Variants in MMP26 observed in about 807,000 individuals in gnomAD.
MMP26 encodes the protein matrix metallopeptidase 26.
Under a neutral mutation model 31.0 loss-of-function variants are expected in MMP26, and 33 were observed. That is an observed-to-expected ratio of 1.06 (90% CI 0.81 to 1.42). The LOEUF (loss-of-function observed/expected upper bound fraction) is 1.42. Among genes scored for constraint, MMP26 ranks in the 40% most tolerant of loss-of-function variants. The probability of loss-of-function intolerance (pLI) is 0.00; values close to 1 mark genes in which losing one functional copy is unlikely to be tolerated. For synonymous variants in MMP26, 122 were observed against 114.9 expected (o/e 1.06, Z -0.40); for missense variants, 347 against 316.1 (o/e 1.10, Z -0.74).
chr11:4,804,336 G>A (rs61744541), intron 2 of MMP26: 36,737 of 1,614,092 alleles, frequency 0.023, 497 homozygotes, highest in Non-Finnish European at 0.027. Context: ...CAAGCAGGAT[G>A]AAGGACACAG....
chr11:4,861,874 A>T (rs553285027), intron 2 of MMP26, among the ~76,000 whole-genome samples: 1 of 152,116 alleles, frequency 6.6e-6, no homozygotes, highest in African/African-American at 2.4e-5. Context: ...AGGGTTCCCA[A>T]TGTACTTAGA....
intron 2 of MMP26, among the ~76,000 whole-genome samples, chr11:4,807,739 C>T (rs950974060): frequency 2.0e-5 from 3 of 152,068 alleles, no homozygotes; most frequent in Non-Finnish European, 2.9e-5. Flanking sequence ...GCACATTGTG[C>T]ACTTGTACCC....
At chr11:4,734,743 T>C (rs1848214440) in intron 1 of MMP26, among the ~76,000 whole-genome samples, 1 of 76,258 alleles carries the variant, frequency 1.3e-5, no homozygotes, top group South Asian at 3.5e-4. Context: ...CCTTTCCTCT[T>C]GGACTTACAC....
intron 1 of MMP26, among the ~76,000 whole-genome samples, chr11:4,721,096 A>G (rs1848005492): frequency 6.6e-6 from 1 of 152,204 alleles, no homozygotes; most frequent in South Asian, 2.1e-4. Context: ...ATAGCAGGGA[A>G]CCAAACAATT....
Position 4,769,896 on chromosome 11 carries a change from T to C in MMP26, c.-145+2555T>C. On this transcript the variant is annotated intron_variant, in intron 2 of 7. Coordinates refer to ENST00000380390, the MANE Select transcript of MMP26 (RefSeq NM_021801.5). ...AACAAGAAGGTTGGAAATTTAGATGTTGAGTTGCTTAGGATTTCCATGGTG... is the reference window on the plus strand; with the variant it reads ...AACAAGAAGGTTGGAAATTTAGATGCTGAGTTGCTTAGGATTTCCATGGTG... 2 of 1,606,958 alleles carry C rather than the reference T, an allele frequency of 1.2e-6. No individual in the cohort carries two copies. The highest frequency in any genetic ancestry group is 1.7e-6 in the Non-Finnish European group (2 of 1,173,652).
chr11:4,802,957 T>C (rs1849203798), intron 2 of MMP26, among the ~76,000 whole-genome samples: 1 of 152,224 alleles, frequency 6.6e-6, no homozygotes, highest in Admixed American at 6.5e-5. Flanking sequence ...TTTGTTTTTA[T>C]AAGGCATGAT....
At chr11:4,813,399 T>C (rs1849377365) in intron 2 of MMP26, among the ~76,000 whole-genome samples, 1 of 152,138 alleles carries the variant, frequency 6.6e-6, no homozygotes, top group South Asian at 2.1e-4. Flanking sequence ...TTTATTTATT[T>C]ATTTTTTAGA....
chr11:4,811,264 C>T (rs60738316), intron 2 of MMP26, among the ~76,000 whole-genome samples: 8,816 of 152,172 alleles, frequency 0.058, 376 homozygotes, highest in African/African-American at 0.11. Context: ...GGGCAAATTG[C>T]ATGTCACAGG....
chr11:4,868,598 C>T (rs1670016541), intron 2 of MMP26, among the ~76,000 whole-genome samples: 1 of 152,128 alleles, frequency 6.6e-6, no homozygotes, highest in Non-Finnish European at 1.5e-5. Context: ...ACATTCCATG[C>T]TCTTTGATAG....
At chr11:4,839,303 C>G (rs957569661) in intron 2 of MMP26, among the ~76,000 whole-genome samples, 3 of 151,956 alleles carry the variant, frequency 2.0e-5, no homozygotes, top group African/African-American at 7.3e-5. Flanking sequence ...TGTTGCTGAA[C>G]TGGTCCAGAG....
At chr11:4,898,969 G>A (rs1312213639) in intron 2 of MMP26, among the ~76,000 whole-genome samples, 1 of 151,962 alleles carries the variant, frequency 6.6e-6, no homozygotes, top group Non-Finnish European at 1.5e-5. Flanking sequence ...TGAGGCCTCT[G>A]TCAGTGCTAC....
At chr11:4,867,241 AAAAC>A (rs774545784) in intron 2 of MMP26, among the ~76,000 whole-genome samples, 17 of 152,218 alleles carry the variant, frequency 1.1e-4, no homozygotes, top group East Asian at 5.8e-4. Flanking sequence ...TTACAAGAAA[AAAAC>A]AAACAACCCC....
At chr11:4,779,138 C>T (rs10836625) in intron 2 of MMP26, among the ~76,000 whole-genome samples, 14,448 of 151,898 alleles carry the variant, frequency 0.095, 733 homozygotes, top group Middle Eastern at 0.14. Context: ...GTCTCGGATA[C>T]AAAGTTAAGT....
chr11:4,976,899 C>A (rs137900391), intron 2 of MMP26, among the ~76,000 whole-genome samples: 2,769 of 152,092 alleles, frequency 0.018, 53 homozygotes, highest in Non-Finnish European at 0.025. Context: ...TTTCCTAAGT[C>A]ATTATGTTTG....
chr11:4,819,039 T>C (rs1448498490), intron 2 of MMP26, among the ~76,000 whole-genome samples: 4 of 152,156 alleles, frequency 2.6e-5, no homozygotes, highest in Non-Finnish European at 4.4e-5. Flanking sequence ...CTCCTAGATT[T>C]CTGATTTAGA....
At chr11:4,973,771 A>T in intron 2 of MMP26, 1 of 157,792 alleles carries the variant, frequency 6.3e-6, no homozygotes, top group African/African-American at 2.4e-5. Context: ...GGATAGCAAC[A>T]GTGTACATGA....
intron 2 of MMP26, chr11:4,882,317 G>C (rs760431038): frequency 6.2e-7 from 1 of 1,613,922 alleles, no homozygotes; most frequent in Admixed American, 1.7e-5. Context: ...TATCCTCACA[G>C]ACAGGATGGT....
chr11:4,803,385 C>A, intron 2 of MMP26: 1 of 1,241,472 alleles, frequency 8.1e-7, no homozygotes, highest in South Asian at 1.4e-5. Context: ...ATTAATGTCC[C>A]CACATTAGTG....
At chr11:4,717,118 C>A (rs192929067) in intron 1 of MMP26, among the ~76,000 whole-genome samples, 1 of 152,202 alleles carries the variant, frequency 6.6e-6, no homozygotes, top group Non-Finnish European at 1.5e-5. Context: ...TCTTTACTTA[C>A]TCAGAGAAGC....
Sources: allele counts gnomAD v4.1 joint callset (sites outside exome capture counted in the v4.1 genomes callset), GRCh38; gene constraint gnomAD v4.1.1; transcripts MANE v1.5; gene names NCBI Gene and HGNC (gene_info 2026-07-23, HGNC 2026-07-21).